Variants in PRR16 observed in about 807,000 individuals in gnomAD.
The protein encoded by PRR16 is proline rich 16.
In PRR16, 6 loss-of-function variants were observed where a neutral mutation model predicts 18.2. The observed-to-expected ratio is 0.33, with a 90% CI of 0.18 to 0.65. PRR16 has a LOEUF of 0.65. Ranked by LOEUF, PRR16 falls within the 30% of genes least tolerant of loss-of-function variation. PRR16 has a pLI of 0.74. For missense variants in PRR16, 412 were observed against 376.6 expected (o/e 1.09, Z -0.78); for synonymous variants, 151 against 147.8 (o/e 1.02, Z -0.16).
At position 120,548,478 on chromosome 5, in the gene PRR16, G is replaced by A. The variant is rs539925071; in HGVS notation, c.159+83833G>A. ...GTGCACTTTTCACTACTGGCTAAGC[G>A]TAACTTTTTCACTTTAGTTGAATCA... On this transcript the variant is annotated intron_variant, in intron 1 of 1. Coordinates refer to ENST00000407149, the MANE Select transcript of PRR16 (RefSeq NM_001300783.2). Among the ~76,000 whole-genome samples, 125 of 152,084 alleles carry A rather than the reference G, an allele frequency of 8.2e-4. 1 individual carries two copies. The highest frequency in any genetic ancestry group is 7.1e-3 in the South Asian group (34 of 4,814).
At chr5:120,701,860 A>G in the PRR16 span, among the ~76,000 whole-genome samples, 1 of 152,176 alleles carries the variant, frequency 6.6e-6, no homozygotes, top group South Asian at 2.1e-4. Context: ...TTTCATGACA[A>G]GAATTATTTA....
intron 1 of PRR16, among the ~76,000 whole-genome samples, chr5:120,521,319 G>A (rs1751172155): frequency 6.6e-6 from 1 of 151,954 alleles, no homozygotes; most frequent in East Asian, 1.9e-4. Flanking sequence ...AGAAAGAACA[G>A]GTCTTTAGTA....
intron 1 of PRR16, among the ~76,000 whole-genome samples, chr5:120,558,933 A>G (rs1752495361): frequency 6.6e-6 from 1 of 151,916 alleles, no homozygotes; most frequent in Non-Finnish European, 1.5e-5. Flanking sequence ...TTTGGCACTG[A>G]TATGGCTTCT....
At chr5:120,507,557 T>C (rs1750686380) in intron 1 of PRR16, among the ~76,000 whole-genome samples, 1 of 152,128 alleles carries the variant, frequency 6.6e-6, no homozygotes, top group Admixed American at 6.6e-5. Context: ...GAGAGAACGA[T>C]GACAAAATGT....
At chr5:120,774,497 T>G in the PRR16 span, among the ~76,000 whole-genome samples, 916 of 152,224 alleles carry the variant, frequency 6.0e-3, 9 homozygotes, top group African/African-American at 0.021. Flanking sequence ...TAGGAGAAAT[T>G]TGACAAAGTG....
At chr5:120,530,780 G>C (rs1331742777) in intron 1 of PRR16, among the ~76,000 whole-genome samples, 2 of 152,100 alleles carry the variant, frequency 1.3e-5, no homozygotes, top group Non-Finnish European at 2.9e-5. Context: ...GGTTATTTGA[G>C]GGATAGGAAA....
At chr5:120,490,374 G>A (rs6887703) in intron 1 of PRR16, among the ~76,000 whole-genome samples, 4 of 152,082 alleles carry the variant, frequency 2.6e-5, no homozygotes, top group African/African-American at 9.7e-5. Flanking sequence ...TTTCTCTAAA[G>A]TTCTCTTCTC....
chr5:120,621,293 T>C (rs1754681657), intron 1 of PRR16, among the ~76,000 whole-genome samples: 1 of 152,110 alleles, frequency 6.6e-6, no homozygotes, highest in Non-Finnish European at 1.5e-5. Context: ...TTTTGCCACT[T>C]GCCATTGCCA....
In PRR16 at chr5:120,686,741, T is replaced by C; in HGVS notation, c.*32T>C. The C allele has an allele frequency of 7.2e-7, 1 of 1,384,766 alleles. No individual in the cohort carries two copies. Among genetic ancestry groups the C allele is most frequent in the Non-Finnish European group, 9.5e-7 (1 of 1,051,950 alleles). 85.8% of individuals were successfully genotyped at this position (1,384,766 alleles called of 1,614,324 possible). On this transcript the variant is annotated 3_prime_UTR_variant, in exon 2 of 2. Coordinates refer to ENST00000407149, the MANE Select transcript of PRR16 (RefSeq NM_001300783.2). ...CCATTAAAAAAATTGTTTTTTTAAT[T>C]TTCTATATTATAAACATAAAATAAG...
the PRR16 span, among the ~76,000 whole-genome samples, chr5:120,718,135 CATAAG>C: frequency 1.3e-5 from 2 of 152,036 alleles, no homozygotes; most frequent in East Asian, 3.9e-4. Context: ...CTCACTAATG[CATAAG>C]ATAATATTTC....
At chr5:120,570,123 A>T (rs1333112306) in intron 1 of PRR16, among the ~76,000 whole-genome samples, 2 of 152,126 alleles carry the variant, frequency 1.3e-5, no homozygotes, top group Admixed American at 1.3e-4. Context: ...AAATGAAGAG[A>T]TGAGAGCATG....
chr5:120,599,542 C>T (rs1753915367), intron 1 of PRR16, among the ~76,000 whole-genome samples: 1 of 151,918 alleles, frequency 6.6e-6, no homozygotes, highest in African/African-American at 2.4e-5. Context: ...TCTCTTTAAA[C>T]ATAAATATGC....
chr5:120,614,343 G>A (rs1325734715), intron 1 of PRR16, among the ~76,000 whole-genome samples: 3 of 152,192 alleles, frequency 2.0e-5, no homozygotes, highest in Non-Finnish European at 2.9e-5. Flanking sequence ...GATTTGGGAT[G>A]TTGATTAATT....
chr5:120,677,579 C>T (rs188739548), intron 1 of PRR16, among the ~76,000 whole-genome samples: 476 of 152,232 alleles, frequency 3.1e-3, no homozygotes, highest in Non-Finnish European at 5.5e-3. Flanking sequence ...CTAAGTCAAT[C>T]TTAAAGATCT....
chr5:120,647,541 G>GTATTTGACC (rs1561592236), intron 1 of PRR16, among the ~76,000 whole-genome samples: 1 of 152,054 alleles, frequency 6.6e-6, no homozygotes, highest in African/African-American at 2.4e-5. Context: ...TGTATAGACT[G>GTATTTGACC]TATTTGACCG....
intron 1 of PRR16, among the ~76,000 whole-genome samples, chr5:120,568,063 G>A (rs562151852): frequency 6.6e-6 from 1 of 152,142 alleles, no homozygotes; most frequent in Non-Finnish European, 1.5e-5. Context: ...CACATTAGTA[G>A]TACCTTCTGG....
At position 120,464,444 on chromosome 5, in the gene PRR16, C is replaced by T; in HGVS notation, c.-43C>T. 1 of 1,524,904 alleles carries T rather than the reference C, an allele frequency of 6.6e-7. No individual in the cohort carries two copies. The highest frequency in any genetic ancestry group is 8.8e-7 in the Non-Finnish European group (1 of 1,139,398). 94.5% of individuals were successfully genotyped at this position (1,524,904 alleles called of 1,614,324 possible). A position where few individuals can be genotyped will look rare whatever the true frequency, so the allele number is the denominator to read the frequency against. ...AGGGACGGGGGCACGCAGCAGCCTC[C>T]GCTCGCCCGCCTGTCCTGACCTGCC... On this transcript the variant is annotated 5_prime_UTR_variant, in exon 1 of 2. Transcript: ENST00000407149.
At position 120,686,364 on chromosome 5, in the gene PRR16, A is replaced by C. The variant is rs936928247; in HGVS notation, c.570A>C (p.Arg190Ser). ...CTCCAGTCCAGCTTCTGATGCATAG[A>C]CCTGAAAAAGACAGATGTCCCCAGG... ...DKAPVQLLMH[R>S]PEKDRCPQAG... Residue 190 changes from arginine to serine, a missense_variant, in exon 2 of 2, where the codon AGA becomes AGC. Physicochemically the swap from Arg to Ser is moderately radical, Grantham distance 110 (BLOSUM62 -1). Coordinates refer to ENST00000407149, the MANE Select transcript of PRR16 (RefSeq NM_001300783.2). The C allele has an allele frequency of 1.2e-6, 2 of 1,614,148 alleles. No homozygotes were observed. Among genetic ancestry groups the C allele is most frequent in the Non-Finnish European group, 1.7e-6 (2 of 1,180,024 alleles).
the PRR16 span, chr5:120,790,227 A>T: frequency 6.6e-6 from 1 of 152,308 alleles, no homozygotes; most frequent in South Asian, 2.1e-4. Context: ...ATTACCATGA[A>T]GATAAAATAA....
Sources: gnomAD v4.1 joint callset for allele counts (sites outside exome capture counted in the v4.1 genomes callset) on GRCh38, gnomAD v4.1.1 for gene constraint, MANE v1.5 for transcripts, NCBI Gene and HGNC (gene_info 2026-07-23, HGNC 2026-07-21) for gene names.